Variants in PTPRG observed in about 807,000 individuals in gnomAD.
PTPRG encodes the protein protein tyrosine phosphatase receptor type G, also known as receptor-type tyrosine-protein phosphatase gamma.
In PTPRG, 102 loss-of-function variants were observed where a neutral mutation model predicts 165.3. That is an observed-to-expected ratio of 0.62 (90% CI 0.53 to 0.73). PTPRG has a LOEUF of 0.73. Ranked by LOEUF, PTPRG falls within the 30% of genes least tolerant of loss-of-function variation. PTPRG has a pLI of 0.00. For synonymous variants in PTPRG, 675 were observed against 669.5 expected, an observed-to-expected ratio of 1.01 and a Z score of -0.13; for missense variants, 1,866 against 1,861.4, an observed-to-expected ratio of 1.00 and a Z score of -0.05.
chr3:62,231,344 C>G (rs1458488012), intron 14 of PTPRG, 33 bp downstream of exon 14: 1 of 1,511,650 alleles, frequency 6.6e-7, no homozygotes, highest in Non-Finnish European at 8.9e-7. Flanking sequence ...TGGGGGGCGT[C>G]TTGATGGCCG....
chr3:61,627,620 A>T (rs1324720510), intron 1 of PTPRG, among the ~76,000 whole-genome samples: 1 of 152,108 alleles, frequency 6.6e-6, no homozygotes, highest in Non-Finnish European at 1.5e-5. Flanking sequence ...TTAATGACCC[A>T]TTTTCCTTTA....
chr3:61,959,441 T>C (rs150181740), intron 2 of PTPRG, among the ~76,000 whole-genome samples: 24 of 152,320 alleles, frequency 1.6e-4, no homozygotes, highest in Non-Finnish European at 3.2e-4. Flanking sequence ...ATCAGGCACG[T>C]GCAACCTGGA....
chr3:61,767,939 C>A (rs2034082748), intron 2 of PTPRG, among the ~76,000 whole-genome samples: 1 of 136,654 alleles, frequency 7.3e-6, no homozygotes. Context: ...CAGTGCACTC[C>A]AGCCTGGGTG....
chr3:62,050,406 G>T (rs1040559088), intron 4 of PTPRG, among the ~76,000 whole-genome samples: 1 of 152,194 alleles, frequency 6.6e-6, no homozygotes, highest in Non-Finnish European at 1.5e-5. Context: ...TAGCCAAGGT[G>T]TATAGCAGGC....
At chr3:61,961,924 A>G (rs1255727079) in intron 2 of PTPRG, among the ~76,000 whole-genome samples, 4 of 152,148 alleles carry the variant, frequency 2.6e-5, no homozygotes, top group Admixed American at 2.6e-4. Context: ...TATTTCAGAC[A>G]CAGCTCGGGC....
rs35125236 is a variant in PTPRG, at chr3:61,744,225, T to TA, written c.86-4645dup. ...AATAATAGTTTTAAAAGTTGGTTTT[T>TA]AAAAAAAATCACAGCATCGTCGATT... On this transcript the variant is annotated intron_variant, in intron 1 of 29. Coordinates refer to ENST00000474889, the MANE Select transcript of PTPRG (RefSeq NM_002841.4). Among the ~76,000 whole-genome samples, 39 of 152,290 alleles carry TA rather than the reference T, an allele frequency of 2.6e-4. No homozygotes were observed. The East Asian group carries it at 4.2e-3, about 17-fold the overall frequency.
intron 1 of PTPRG, among the ~76,000 whole-genome samples, chr3:61,562,687 T>G (rs1265663362): frequency 1.3e-5 from 2 of 151,682 alleles, no homozygotes; most frequent in Non-Finnish European, 2.9e-5. Context: ...CTTTGCTGAC[T>G]CGTCGCCGAT....
At chr3:61,628,459 G>T (rs1701676804) in intron 1 of PTPRG, among the ~76,000 whole-genome samples, 1 of 152,074 alleles carries the variant, frequency 6.6e-6, no homozygotes, top group African/African-American at 2.4e-5. Flanking sequence ...GGGACTACAG[G>T]TGTGCACCAC....
intron 2 of PTPRG, among the ~76,000 whole-genome samples, chr3:61,855,240 T>A (rs370675175): frequency 6.6e-6 from 1 of 152,216 alleles, no homozygotes; most frequent in Non-Finnish European, 1.5e-5. Flanking sequence ...CTTTCATAAC[T>A]GGGCTCTTGT....
chr3:61,814,744 C>T (rs1403198), intron 2 of PTPRG, among the ~76,000 whole-genome samples: 1 of 150,740 alleles, frequency 6.6e-6, no homozygotes. Flanking sequence ...TATCTTATCT[C>T]ACTTTTTTCT....
rs566476243 is a variant in PTPRG at position 62,098,247 on chromosome 3, G to GA, written c.615+19997dup. Among the ~76,000 whole-genome samples, 238 of 148,854 alleles carry GA rather than the reference G, an allele frequency of 1.6e-3. 3 individuals are homozygous for GA. Among genetic ancestry groups the GA allele is most frequent in the Middle Eastern group, 0.01 (3 of 294 alleles). The stretch of plus-strand genomic sequence containing the variant: ...TTCAGCCCAGGAATTGAAATTATTT[G>GA]AAAAAAAATAAAAAAAAATACAACA... On this transcript the variant is annotated intron_variant, in intron 5 of 29. Transcript: ENST00000474889.
At chr3:62,003,176 C>T (rs1284624757) in intron 3 of PTPRG, among the ~76,000 whole-genome samples, 173 bp from the exon 4 acceptor site, 1 of 152,054 alleles carries the variant, frequency 6.6e-6, no homozygotes, top group African/African-American at 2.4e-5. Context: ...GAGCATTCTG[C>T]AGCTAGAATG....
chr3:61,654,220 A>G (rs543892800), intron 1 of PTPRG, among the ~76,000 whole-genome samples: 2 of 152,170 alleles, frequency 1.3e-5, no homozygotes, highest in South Asian at 4.1e-4. Flanking sequence ...TGCTTTAACC[A>G]ACACCTGCCC....
chr3:61,598,328 T>C (rs1049772146), intron 1 of PTPRG, among the ~76,000 whole-genome samples: 1 of 152,052 alleles, frequency 6.6e-6, no homozygotes, highest in African/African-American at 2.4e-5. Flanking sequence ...GCCAAGAAAG[T>C]AGAAAAATTG....
intron 2 of PTPRG, among the ~76,000 whole-genome samples, chr3:61,896,117 G>A (rs918986440): frequency 4.6e-5 from 7 of 151,978 alleles, no homozygotes; most frequent in South Asian, 2.1e-4. Context: ...TGTCATTTGC[G>A]TAGGTTCATG....
At chr3:61,937,627 T>G (rs935252675) in intron 2 of PTPRG, among the ~76,000 whole-genome samples, 2 of 152,224 alleles carry the variant, frequency 1.3e-5, no homozygotes, top group Non-Finnish European at 2.9e-5. Context: ...TCTCTTCTTT[T>G]CTTTGAGGCC....
chr3:61,991,272 C>G (rs182815608), intron 3 of PTPRG, among the ~76,000 whole-genome samples: 1 of 152,312 alleles, frequency 6.6e-6, no homozygotes, highest in East Asian at 1.9e-4. Context: ...GTGGCATGAT[C>G]ATGGTTCACT....
At chr3:62,160,366 C>A (rs1421514369) in intron 7 of PTPRG, among the ~76,000 whole-genome samples, 2 of 152,222 alleles carry the variant, frequency 1.3e-5, no homozygotes, top group Non-Finnish European at 2.9e-5. Context: ...GTGTGATAAT[C>A]TAGATTAAAA....
At chr3:62,111,604 C>G (rs1702668175) in intron 5 of PTPRG, among the ~76,000 whole-genome samples, 1 of 152,114 alleles carries the variant, frequency 6.6e-6, no homozygotes, top group South Asian at 2.1e-4. Flanking sequence ...CACGCATCAC[C>G]AAGCCTGGCT....
Sources: gnomAD v4.1 joint callset for allele counts (sites outside exome capture counted in the v4.1 genomes callset) on GRCh38, gnomAD v4.1.1 for gene constraint, MANE v1.5 for transcripts, NCBI Gene and HGNC (gene_info 2026-07-23, HGNC 2026-07-21) for gene names.